Variants in LDLRAD4 observed in about 807,000 individuals in gnomAD.
The protein encoded by LDLRAD4 is low-density lipoprotein receptor class A domain-containing protein 4.
LDLRAD4 carries 5 observed loss-of-function variants against 17.0 expected under a neutral mutation model. The observed-to-expected ratio is 0.29, with a 90% CI of 0.15 to 0.62. The LOEUF is 0.62. Ranked by LOEUF, LDLRAD4 falls within the 20% of genes least tolerant of loss-of-function variation. LDLRAD4 has a pLI of 0.84. For missense variants in LDLRAD4, 340 were observed against 424.7 expected, an observed-to-expected ratio of 0.80 and a Z score of 1.75; for synonymous variants, 168 against 171.8, an observed-to-expected ratio of 0.98 and a Z score of 0.17.
intron 3 of LDLRAD4, among the ~76,000 whole-genome samples, chr18:13,448,648 G>A (rs190375631): frequency 6.4e-4 from 97 of 152,046 alleles, no homozygotes; most frequent in African/African-American, 2.3e-3. Flanking sequence ...AGATTGGGGG[G>A]CGGAGGCTGG....
At chr18:13,259,620 G>A (rs370275879) in intron 1 of LDLRAD4, among the ~76,000 whole-genome samples, 18 of 152,302 alleles carry the variant, frequency 1.2e-4, no homozygotes, top group African/African-American at 4.3e-4. Flanking sequence ...ACATTGGTAT[G>A]TGGTTTTGGT....
chr18:13,476,466 A>AG (rs1276518582), intron 3 of LDLRAD4, among the ~76,000 whole-genome samples: 1 of 151,968 alleles, frequency 6.6e-6, no homozygotes, highest in African/African-American at 2.4e-5. Flanking sequence ...CTCTAAAAAA[A>AG]GTTAAGAATT....
chr18:13,322,466 A>C (rs566607320), intron 1 of LDLRAD4, among the ~76,000 whole-genome samples: 3 of 151,086 alleles, frequency 2.0e-5, no homozygotes, highest in Admixed American at 2.0e-4. Flanking sequence ...CGCCCAGCTA[A>C]TTTTTGTATT....
rs574632484 is a variant in LDLRAD4, at chr18:13,584,163, G to A, written c.182-36954G>A. On this transcript the variant is annotated intron_variant, in intron 3 of 5. Coordinates refer to ENST00000359446, the Ensembl canonical transcript of LDLRAD4. Reference sequence around the variant, plus strand: ...CTCTGCCTGCCTTGGTCTCTTCATCGTCATAATGCCCTGGACTCCAATTGC... The same window carrying A: ...CTCTGCCTGCCTTGGTCTCTTCATCATCATAATGCCCTGGACTCCAATTGC... 3.3e-4 allele frequency among the ~76,000 whole-genome samples: 50 copies of A among 152,262 alleles called. No individual in the cohort carries two copies. In the South Asian group the frequency reaches 8.5e-3, roughly 26 times the overall value.
At position 13,540,009 on chromosome 18, in the gene LDLRAD4, G is replaced by T. The variant is rs1324380572; in HGVS notation, c.182-81108G>T. Among the ~76,000 whole-genome samples the T allele has an allele frequency of 2.6e-5, 4 of 152,194 alleles. No homozygotes were observed. In the East Asian group the frequency reaches 5.8e-4, roughly 22 times the overall value. On this transcript the variant is annotated intron_variant, in intron 3 of 5. Transcript: ENST00000359446. Reference sequence around the variant, plus strand: ...TCCTGTAGGCCCTGACACCCCCAGGGTTGGGGCCGATGGAGCCAGGGTCAC... The same window carrying T: ...TCCTGTAGGCCCTGACACCCCCAGGTTTGGGGCCGATGGAGCCAGGGTCAC...
intron 3 of LDLRAD4, among the ~76,000 whole-genome samples, chr18:13,455,923 C>T (rs2092108001): frequency 6.6e-6 from 1 of 152,168 alleles, no homozygotes; most frequent in Admixed American, 6.5e-5. Flanking sequence ...CTCAGAGCCC[C>T]AGCTTCCGAA....
chr18:13,610,281 T>C (rs1474838464), intron 3 of LDLRAD4, among the ~76,000 whole-genome samples: 8 of 46,502 alleles, frequency 1.7e-4, no homozygotes, highest in South Asian at 8.9e-4. Flanking sequence ...TTTTTTTTTT[T>C]TTTTTTTTTT....
Position 13,563,191 on chromosome 18 carries a change from A to G in LDLRAD4, c.182-57926A>G, listed in dbSNP as rs140246062. Among the ~76,000 whole-genome samples, 1,143 of 152,340 alleles carry G rather than the reference A, an allele frequency of 7.5e-3. 9 individuals are homozygous for G. Among genetic ancestry groups the G allele is most frequent in the African/African-American group, 0.025 (1,036 of 41,582 alleles). On this transcript the variant is annotated intron_variant, in intron 3 of 5. Transcript: ENST00000359446. Reference sequence around the variant, plus strand: ...TGGAGATGACAGGCATCTTTGTTTTAGGGATAACTAATTATGCCTGTAGAG... The same window carrying G: ...TGGAGATGACAGGCATCTTTGTTTTGGGGATAACTAATTATGCCTGTAGAG...
At chr18:13,530,192 CTGT>C (rs2094106358) in intron 3 of LDLRAD4, among the ~76,000 whole-genome samples, 2 of 152,210 alleles carry the variant, frequency 1.3e-5, no homozygotes, top group Admixed American at 6.5e-5. Flanking sequence ...CGACCTGCTG[CTGT>C]AAAAACCATA....
At chr18:13,613,394 C>T (rs17692276) in intron 3 of LDLRAD4, 13,816 of 152,100 alleles carry the variant, frequency 0.091, 851 homozygotes, top group Non-Finnish European at 0.13. Flanking sequence ...GATGCACTTT[C>T]CTAAATTAAT....
intron 3 of LDLRAD4, among the ~76,000 whole-genome samples, chr18:13,570,776 C>T (rs556357635): frequency 5.9e-5 from 9 of 152,212 alleles, no homozygotes; most frequent in African/African-American, 1.7e-4. Flanking sequence ...TTCTCTTTTT[C>T]GTCTTTTTCT....
At chr18:13,536,110 C>G (rs1218944120) in intron 3 of LDLRAD4, among the ~76,000 whole-genome samples, 1 of 152,070 alleles carries the variant, frequency 6.6e-6, no homozygotes, top group Non-Finnish European at 1.5e-5. Flanking sequence ...CTTTTCAAGA[C>G]TATTTTGGCT....
chr18:13,240,097 T>C (rs917176485), intron 1 of LDLRAD4: 1 of 152,246 alleles, frequency 6.6e-6, no homozygotes, highest in African/African-American at 2.4e-5. Context: ...ACATAGAAAC[T>C]CATTGCACAT....
At chr18:13,363,873 A>G (rs2083867512) in intron 1 of LDLRAD4, among the ~76,000 whole-genome samples, 1 of 152,226 alleles carries the variant, frequency 6.6e-6, no homozygotes, top group Non-Finnish European at 1.5e-5. Context: ...GTAATGCAGC[A>G]CCACGCTTGG....
intron 1 of LDLRAD4, among the ~76,000 whole-genome samples, chr18:13,373,740 C>T (rs1344361470): frequency 2.0e-5 from 3 of 152,134 alleles, no homozygotes; most frequent in Non-Finnish European, 4.4e-5. Flanking sequence ...TGGTATTTTG[C>T]AGTTCAGTGT....
At position 13,300,912 on chromosome 18, in the gene LDLRAD4, C is replaced by T. The variant is rs1211809739; in HGVS notation, c.-383+22724C>T. Among the ~76,000 whole-genome samples, 1 of 152,238 alleles carries T rather than the reference C, an allele frequency of 6.6e-6. No homozygotes were observed. Among genetic ancestry groups the T allele is most frequent in the Non-Finnish European group, 1.5e-5 (1 of 68,046 alleles). ...GCGCGTCCCAGCGCTGAACCCGTGG[C>T]ACCTGGCTGCTTGGCTGTGAGGGCT... On this transcript the variant is annotated intron_variant, in intron 1 of 5. Transcript: ENST00000359446. This position sits in a 1 kb window ranked among gnomAD's most constrained non-coding sequence, Gnocchi z 4.2.
intron 3 of LDLRAD4, among the ~76,000 whole-genome samples, chr18:13,502,677 G>T (rs1435726322): frequency 6.6e-6 from 1 of 152,204 alleles, no homozygotes; most frequent in East Asian, 1.9e-4. Flanking sequence ...TTGGGCCACG[G>T]CTGCCTGAAG....
At chr18:13,546,731 G>A (rs6505826) in intron 3 of LDLRAD4, among the ~76,000 whole-genome samples, 5,854 of 152,220 alleles carry the variant, frequency 0.038, 363 homozygotes, top group African/African-American at 0.13. Context: ...TGTCGGGCAC[G>A]TGGTTCCCCC....
chr18:13,531,178 G>A (rs1169985543), intron 3 of LDLRAD4, among the ~76,000 whole-genome samples: 1 of 152,172 alleles, frequency 6.6e-6, no homozygotes, highest in Non-Finnish European at 1.5e-5. Context: ...GGTCACATGG[G>A]CACTGGGTGG....
Sources: allele counts gnomAD v4.1 joint callset (sites outside exome capture counted in the v4.1 genomes callset), GRCh38; gene constraint gnomAD v4.1.1; non-coding constraint Gnocchi (gnomAD v3.1); transcripts MANE v1.5; gene names NCBI Gene and HGNC (gene_info 2026-07-23, HGNC 2026-07-21).